The following NEO1 variants were observed in gnomAD, a reference collection of about 807,000 sequenced individuals.
NEO1 encodes the protein neogenin.
NEO1 carries 63 observed loss-of-function variants against 159.7 expected under a neutral mutation model. The ratio of observed to expected loss-of-function variants is 0.39; its 90% confidence interval spans 0.32 to 0.49. The LOEUF (loss-of-function observed/expected upper bound fraction) is 0.49. Ranked by LOEUF, NEO1 falls within the 20% of genes least tolerant of loss-of-function variation. NEO1 has a pLI of 0.85. For missense variants in NEO1, 1,615 were observed against 1,831.0 expected (o/e 0.88, Z 2.15); for synonymous variants, 633 against 662.0 (o/e 0.96, Z 0.67).
chr15:73,244,835 C>T (rs916578491), intron 9 of NEO1, among the ~76,000 whole-genome samples: 5 of 151,082 alleles, frequency 3.3e-5, no homozygotes, highest in African/African-American at 1.2e-4. Context: ...CCTGTAATCC[C>T]AGCTACTCGG....
chr15:73,236,353 C>A lies in NEO1; in HGVS notation c.1298C>A (p.Ala433Asp), dbSNP rs778233166. The change falls in exon 8 of 29, where the codon GCC (alanine) becomes GAC (aspartate). Residue 433 changes from alanine (A) to aspartate (D), a missense_variant. By Grantham distance (126) the Ala-to-Asp change is moderately radical. This residue lies in a region of NEO1 where 1,018 missense variants were observed against 1,115.4 expected (regional missense o/e 0.91). Transcript: ENST00000261908. ...GCCACTACTGACCATCTAGCACCAG[C>A]CACAACGGGACCACTGCCTTCAGCT... ...AQLIILEHAP[A>D]TTGPLPSAPR... is the part of the protein sequence containing the mutation. The A allele has an allele frequency of 6.2e-7, 1 of 1,614,196 alleles. No individual in the cohort carries two copies. The highest frequency in any genetic ancestry group is 1.7e-5 in the Admixed American group (1 of 60,026).
intron 1 of NEO1, among the ~76,000 whole-genome samples, chr15:73,078,731 C>T (rs116463863): frequency 0.015 from 2,219 of 152,316 alleles, 70 homozygotes; most frequent in African/African-American, 0.051. Flanking sequence ...CTTCATGCCT[C>T]CTCTAGAAAC....
chr15:73,153,202 G>T (rs996068259), intron 5 of NEO1, among the ~76,000 whole-genome samples: 4 of 152,134 alleles, frequency 2.6e-5, no homozygotes, highest in African/African-American at 9.7e-5. Context: ...CACACATTGA[G>T]TGCCATCTGC....
chr15:73,192,424 CAT>C (rs1255501456), intron 7 of NEO1, among the ~76,000 whole-genome samples: 2 of 151,880 alleles, frequency 1.3e-5, no homozygotes, highest in African/African-American at 2.4e-5. Context: ...TATGAGGAAA[CAT>C]AGTTTTGAGT....
Position 73,236,215 on chromosome 15 carries a change from G to GT in NEO1, c.1292-126dup, listed in dbSNP as rs892335910. 5 of 1,218,868 alleles carry GT rather than the reference G, an allele frequency of 4.1e-6. No homozygotes were observed. The East Asian group carries it at 7.8e-5, about 19-fold the overall frequency. The allele number at this position is 1,218,868 out of a possible 1,614,324, so 75.5% of individuals were successfully genotyped here. On this transcript the variant is annotated intron_variant, in intron 7 of 28. Transcript: ENST00000261908. ...TTTGTTTATTTCTTTTTTGTTTTTT[G>GT]TTTTTTCTGTTCTCTTTTTTAAAAC...
intron 5 of NEO1, among the ~76,000 whole-genome samples, chr15:73,173,632 G>T (rs757141451): frequency 1.5e-4 from 23 of 152,096 alleles, no homozygotes; most frequent in Non-Finnish European, 3.2e-4. Context: ...AAAATGGAGA[G>T]AACTTATAAA....
chr15:73,238,378 CAGCACCTGGAACAG>C (rs927334317), intron 8 of NEO1, among the ~76,000 whole-genome samples: 8 of 144,386 alleles, frequency 5.5e-5, no homozygotes, highest in African/African-American at 2.0e-4. Flanking sequence ...TAAAATTCTC[CAGCACCTGGAACAG>C]AGCCTGGCAT....
chr15:73,135,889 A>G lies in NEO1; in HGVS notation c.879-2A>G. On this transcript the variant is annotated splice_acceptor_variant, in intron 4 of 28. Transcript: ENST00000261908. LOFTEE classifies it high-confidence loss of function. ...TTTTTTTTTTTTTTTTTTTTAACAC[A>G]GCTCTGAAAGATTGGTATTGCTGGC... 1.3e-6 allele frequency: 2 copies of G among 1,492,598 alleles called. No individual in the cohort carries two copies. Among genetic ancestry groups the G allele is most frequent in the South Asian group, 1.4e-5 (1 of 73,462 alleles). The allele number at this position is 1,492,598 out of a possible 1,614,324, so 92.5% of individuals were successfully genotyped here.
intron 5 of NEO1, among the ~76,000 whole-genome samples, chr15:73,146,641 C>T (rs1265895806): frequency 2.0e-5 from 3 of 152,168 alleles, no homozygotes; most frequent in African/African-American, 7.2e-5. Flanking sequence ...TTCTGAACCA[C>T]AGTAGCCTCA....
intron 1 of NEO1, among the ~76,000 whole-genome samples, chr15:73,095,874 A>G (rs1207926162): frequency 2.0e-5 from 3 of 152,198 alleles, no homozygotes; most frequent in Admixed American, 1.3e-4. Flanking sequence ...AGATGCCTGA[A>G]TAGGATCTAG....
At chr15:73,259,881 C>T (rs540989394) in intron 14 of NEO1, among the ~76,000 whole-genome samples, 1 of 152,106 alleles carries the variant, frequency 6.6e-6, no homozygotes, top group African/African-American at 2.4e-5. Flanking sequence ...ACAGGCTTCC[C>T]ACTACTCAGT....
At chr15:73,149,504 A>T (rs2033200527) in intron 5 of NEO1, among the ~76,000 whole-genome samples, 1 of 152,154 alleles carries the variant, frequency 6.6e-6, no homozygotes, top group African/African-American at 2.4e-5. Flanking sequence ...GTAGTTAGAC[A>T]TTTCTGTCCC....
chr15:73,077,995 A>G lies in NEO1; in HGVS notation c.130+25190A>G, dbSNP rs78480657. On this transcript the variant is annotated intron_variant, in intron 1 of 28. Coordinates refer to ENST00000261908, the MANE Select transcript of NEO1 (RefSeq NM_002499.4). ...CGATGGGAAGCGGGAGAGGAAGTAT[A>G]ATGAGCAAACATCCAGAAGTGGGAA... Among the ~76,000 whole-genome samples the G allele has an allele frequency of 6.0e-3, 915 of 152,310 alleles. 11 individuals are homozygous for G. Among genetic ancestry groups the G allele is most frequent in the African/African-American group, 0.021 (867 of 41,568 alleles).
At chr15:73,077,066 C>T (rs2068803872) in intron 1 of NEO1, among the ~76,000 whole-genome samples, 1 of 152,118 alleles carries the variant, frequency 6.6e-6, no homozygotes, top group South Asian at 2.1e-4. Context: ...TATTTTGAGA[C>T]AGAGTCTCTC....
At chr15:73,228,358 T>C (rs1239058488) in intron 7 of NEO1, among the ~76,000 whole-genome samples, 1 of 152,282 alleles carries the variant, frequency 6.6e-6, no homozygotes, top group East Asian at 1.9e-4. Context: ...GTGCTTATTC[T>C]ATGTTTTCTT....
chr15:73,295,916 A>G (rs1381410596), intron 26 of NEO1, among the ~76,000 whole-genome samples: 2 of 152,228 alleles, frequency 1.3e-5, no homozygotes, highest in African/African-American at 4.8e-5. Flanking sequence ...GAGGCAAGTC[A>G]GTCAGGAAGT....
At chr15:73,094,918 A>G (rs1355845485) in intron 1 of NEO1, among the ~76,000 whole-genome samples, 2 of 152,148 alleles carry the variant, frequency 1.3e-5, no homozygotes, top group Non-Finnish European at 2.9e-5. Context: ...GGGTTTAGAA[A>G]ACCATAGCTA....
chr15:73,123,184 A>G (rs963572318), intron 3 of NEO1, among the ~76,000 whole-genome samples: 7 of 152,082 alleles, frequency 4.6e-5, no homozygotes, highest in African/African-American at 1.4e-4. Flanking sequence ...GAATGTTAAT[A>G]TGCGGTATGA....
At chr15:73,077,680 C>T (rs2068840216) in intron 1 of NEO1, among the ~76,000 whole-genome samples, 1 of 152,182 alleles carries the variant, frequency 6.6e-6, no homozygotes, top group East Asian at 1.9e-4. Context: ...ATTTATTGAG[C>T]AGCTATGTAT....
Sources: allele counts gnomAD v4.1 joint callset (sites outside exome capture counted in the v4.1 genomes callset), GRCh38; gene constraint gnomAD v4.1.1; regional missense constraint gnomAD v4.1.1; transcripts MANE v1.5; gene names NCBI Gene and HGNC (gene_info 2026-07-23, HGNC 2026-07-21).